Variants in LONRF3 observed in about 807,000 individuals in gnomAD.
The protein encoded by LONRF3 is LON peptidase N-terminal domain and ring finger 3, also known as LON peptidase N-terminal domain and RING finger protein 3.
LONRF3 carries 19 observed loss-of-function variants against 51.7 expected under a neutral mutation model. That is an observed-to-expected ratio of 0.37 (90% CI 0.26 to 0.54). The LOEUF (loss-of-function observed/expected upper bound fraction) is 0.54. Ranked by LOEUF, LONRF3 falls within the 20% of genes least tolerant of loss-of-function variation. LONRF3 has a pLI of 0.86. For missense variants in LONRF3, 521 were observed against 623.9 expected (o/e 0.84, Z 1.76); for synonymous variants, 265 against 257.8 (o/e 1.03, Z -0.27).
At chrX:118,989,719 G>T (rs1227482359) in intron 4 of LONRF3, 47 bp downstream of exon 4, 5 of 1,160,396 alleles carry the variant, frequency 4.3e-6, no homozygotes, top group African/African-American at 1.8e-5. Flanking sequence ...AGATCCCCGG[G>T]CTCACCAATA....
At chrX:118,989,268 C>T (rs763890169) in intron 3 of LONRF3, 140 bp from the exon 4 acceptor site, 37 of 677,192 alleles carry the variant, frequency 5.5e-5, no homozygotes, top group Non-Finnish European at 7.8e-5. Context: ...ATGACGGCCC[C>T]CAAGTTGAGC....
At chrX:119,006,321 A>G in intron 6 of LONRF3, 86 bp downstream of exon 6, 2 of 638,540 alleles carry the variant, frequency 3.1e-6, no homozygotes, top group Admixed American at 5.4e-5. Flanking sequence ...GCACTAAGAC[A>G]GTGTTCAACT....
chrX:119,015,443 C>CT (rs977074179), intron 10 of LONRF3, among the ~76,000 whole-genome samples: 5 of 111,720 alleles, frequency 4.5e-5, no homozygotes, highest in Non-Finnish European at 7.5e-5. Flanking sequence ...AAATGTCTTG[C>CT]TTTCCTCAGA....
intron 5 of LONRF3, among the ~76,000 whole-genome samples, chrX:118,993,952 C>T (rs1923620059): frequency 1.8e-5 from 2 of 112,028 alleles, no homozygotes; most frequent in South Asian, 7.4e-4. Flanking sequence ...GAAAGATAGA[C>T]ATTTTCAGAC....
At chrX:118,994,115 T>C (rs1923634055) in intron 5 of LONRF3, among the ~76,000 whole-genome samples, 1 of 111,565 alleles carries the variant, frequency 9.0e-6, no homozygotes, top group Admixed American at 9.5e-5. Context: ...AAAATACAAG[T>C]TAAAAAGCAA....
chrX:119,006,038 A>T, intron 5 of LONRF3, 83 bp from the exon 6 acceptor site: 1 of 551,987 alleles, frequency 1.8e-6, no homozygotes, highest in Non-Finnish European at 3.0e-6. Context: ...ATTCTAAATA[A>T]TGCTTTAAAA....
intron 6 of LONRF3, among the ~76,000 whole-genome samples, chrX:119,006,648 C>T (rs1458679022): frequency 1.8e-5 from 2 of 110,212 alleles, no homozygotes; most frequent in Admixed American, 9.6e-5. Context: ...AGGGCAGTGA[C>T]GTGATCTCCA....
chrX:118,976,456 A>AC (rs1922066221), intron 1 of LONRF3: 1 of 113,243 alleles, frequency 8.8e-6, no homozygotes, highest in Non-Finnish European at 1.9e-5. Flanking sequence ...CGCCCCGCCA[A>AC]CCCGTAGCCT....
intron 5 of LONRF3, among the ~76,000 whole-genome samples, chrX:118,991,186 G>C (rs1923400746): frequency 8.9e-6 from 1 of 111,814 alleles, no homozygotes; most frequent in Admixed American, 9.5e-5. Flanking sequence ...CATGGGGTTT[G>C]TTTTTCTTAA....
At chrX:119,008,224 A>C (rs769724419) in intron 6 of LONRF3, among the ~76,000 whole-genome samples, 2 of 112,474 alleles carry the variant, frequency 1.8e-5, no homozygotes, top group East Asian at 5.6e-4. Flanking sequence ...AAATATTCCA[A>C]TCATTTTCAC....
intron 1 of LONRF3, 33 bp downstream of exon 1, chrX:118,975,630 G>A (rs1921966364): frequency 1.9e-6 from 2 of 1,070,902 alleles, no homozygotes; most frequent in Admixed American, 3.1e-5. Context: ...CCGGGGCTGG[G>A]GCTCGGTGGC....
chrX:119,010,494 T>C (rs1925026355), intron 7 of LONRF3, among the ~76,000 whole-genome samples: 2 of 111,587 alleles, frequency 1.8e-5, no homozygotes, highest in Admixed American at 9.5e-5. Flanking sequence ...GTTTTTTTTT[T>C]CTCATTAATT....
intron 9 of LONRF3, among the ~76,000 whole-genome samples, chrX:119,013,586 T>A (rs992719417): frequency 8.9e-6 from 1 of 111,970 alleles, no homozygotes; most frequent in South Asian, 3.8e-4. Context: ...CAATTATAGA[T>A]CCACACATGC....
rs749076984 is a variant in LONRF3, at chrX:118,978,447, G to A, written c.920G>A (p.Arg307His). The change falls in exon 2 of 11, where the codon CGC (arginine) becomes CAC (histidine). Residue 307 changes from arginine (R) to histidine (H), a missense_variant. Arg to His is a conservative substitution (Grantham distance 29, BLOSUM62 0). This residue lies in a region of LONRF3 where 376 missense variants were observed against 376.7 expected (regional missense o/e 1.00). Transcript: ENST00000371628. ...LHDAEIACKLRPMGFKAHFRK... is the reference protein window; with the variant it reads ...LHDAEIACKLHPMGFKAHFRK... ...GATGCAGAAATAGCATGTAAGCTCCGCCCGATGGGTTTTAAGGTGAGTGTG... is the reference window on the plus strand; with the variant it reads ...GATGCAGAAATAGCATGTAAGCTCCACCCGATGGGTTTTAAGGTGAGTGTG... 6 of 1,191,925 alleles carry A rather than the reference G, an allele frequency of 5.0e-6. No individual in the cohort carries two copies. Among genetic ancestry groups the A allele is most frequent in the Admixed American group, 4.4e-5 (2 of 45,902 alleles).
intron 3 of LONRF3, 106 bp from the exon 4 acceptor site, chrX:118,989,302 G>T: frequency 2.2e-6 from 2 of 926,750 alleles, no homozygotes; most frequent in South Asian, 5.0e-5. Flanking sequence ...TGAGTTCGGG[G>T]TGGGGATCAG....
intron 5 of LONRF3, among the ~76,000 whole-genome samples, chrX:118,996,399 C>T (rs12556024): frequency 1.1e-3 from 117 of 110,705 alleles, no homozygotes; most frequent in Admixed American, 0.01. Context: ...ATGATATGAT[C>T]GTTTACCTTG....
In LONRF3 at chrX:118,989,649, T is replaced by C. The variant is rs750322199; in HGVS notation, c.1301T>C (p.Met434Thr). 8.3e-7 allele frequency: 1 copy of C among 1,210,368 alleles called. No individual in the cohort carries two copies. Among genetic ancestry groups the C allele is most frequent in the Non-Finnish European group, 1.1e-6 (1 of 894,914 alleles). Residue 434 changes from methionine (M) to threonine (T), a missense_variant, in exon 4 of 11, where the codon ATG (methionine) becomes ACG (threonine). Coordinates refer to ENST00000371628, the MANE Select transcript of LONRF3 (RefSeq NM_001031855.3). ...ATTGAATCCCAAGAAGAAACGGGGATGCCTAATAAAGCCTCCAAGCAAGGT... is the reference window on the plus strand; with the variant it reads ...ATTGAATCCCAAGAAGAAACGGGGACGCCTAATAAAGCCTCCAAGCAAGGT... ...CQIESQEETG[M>T]PNKASKQDPP...
At position 119,009,235 on chromosome X, in the gene LONRF3, A is replaced by T; in HGVS notation, c.1640A>T (p.Glu547Val). 8.3e-7 allele frequency: 1 copy of T among 1,209,360 alleles called. No homozygotes were observed. The highest frequency in any genetic ancestry group is 1.8e-5 in the South Asian group (1 of 56,423). The change falls in exon 7 of 11, where the codon GAA becomes GTA. Residue 547 changes from glutamate (E) to valine (V), a missense_variant. This residue lies in a region of LONRF3 where 145 missense variants were observed against 247.2 expected (regional missense o/e 0.59). Coordinates refer to ENST00000371628, the MANE Select transcript of LONRF3 (RefSeq NM_001031855.3). ...ERRKLYEEEM[E>V]ELSNLNKNVP... Reference sequence around the variant, plus strand: ...AGGAAGCTTTATGAAGAGGAAATGGAAGAACTTTCTAAGTATGTATATGCA... The same window carrying T: ...AGGAAGCTTTATGAAGAGGAAATGGTAGAACTTTCTAAGTATGTATATGCA...
At chrX:119,010,517 A>G (rs1037857713) in intron 7 of LONRF3, among the ~76,000 whole-genome samples, 13 of 110,248 alleles carry the variant, frequency 1.2e-4, no homozygotes, top group African/African-American at 4.3e-4. Flanking sequence ...CATTGGAACT[A>G]CTCGGGGGAT....
Sources: allele counts gnomAD v4.1 joint callset (sites outside exome capture counted in the v4.1 genomes callset), GRCh38; gene constraint gnomAD v4.1.1; regional missense constraint gnomAD v4.1.1; transcripts MANE v1.5; gene names NCBI Gene and HGNC (gene_info 2026-07-23, HGNC 2026-07-21).